The following EYS variants were observed in gnomAD, a reference collection of about 807,000 sequenced individuals.
EYS encodes the protein EGF-like photoreceptor maintenance factor, also known as protein eyes shut homolog.
In EYS, 250 loss-of-function variants were observed where a neutral mutation model predicts 282.1. That is an observed-to-expected ratio of 0.89 (90% CI 0.80 to 0.98). The LOEUF (loss-of-function observed/expected upper bound fraction) is 0.98. Among genes scored for constraint, EYS ranks in the 50% least tolerant of loss-of-function variants. The pLI is 0.00. For missense variants in EYS, 4,016 were observed against 3,709.0 expected (o/e 1.08, Z -2.15); for synonymous variants, 1,355 against 1,282.9 (o/e 1.06, Z -1.20).
chr6:63,953,338 A>G (rs1029708776), intron 35 of EYS, among the ~76,000 whole-genome samples: 1 of 152,104 alleles, frequency 6.6e-6, no homozygotes, highest in African/African-American at 2.4e-5. Flanking sequence ...AAATATTTTG[A>G]CAACCTTCTA....
intron 22 of EYS, among the ~76,000 whole-genome samples, chr6:64,766,305 T>G (rs999830808): frequency 6.6e-6 from 1 of 151,734 alleles, no homozygotes; most frequent in African/African-American, 2.4e-5. Flanking sequence ...TCCTTTATTC[T>G]TTCTTTCTCT....
At chr6:64,673,986 T>C (rs1420129922) in intron 22 of EYS, among the ~76,000 whole-genome samples, 2 of 152,214 alleles carry the variant, frequency 1.3e-5, no homozygotes, top group South Asian at 2.1e-4. Context: ...TGTGTTGAGA[T>C]GTAACTAATA....
At chr6:64,183,651 T>G (rs1226329459) in intron 31 of EYS, among the ~76,000 whole-genome samples, 1 of 152,192 alleles carries the variant, frequency 6.6e-6, no homozygotes, top group Non-Finnish European at 1.5e-5. Context: ...TTCTAATATT[T>G]AAAACTTTTA....
rs905543820 is a variant in EYS at position 64,964,835 on chromosome 6, C to A, written c.2260-18921G>T. On this transcript the variant is annotated intron_variant, in intron 14 of 42. Coordinates refer to ENST00000503581, the MANE Select transcript of EYS (RefSeq NM_001142800.2). The stretch of plus-strand genomic sequence containing the variant: ...TCACTTGAGGTCAGGAGTTCAAGAC[C>A]AGCCCGGTCAACATGGTGAAATCCC... Among the ~76,000 whole-genome samples the A allele has an allele frequency of 2.0e-4, 30 of 151,890 alleles. 1 individual carries two copies. The highest frequency in any genetic ancestry group is 1.8e-3 in the Admixed American group (27 of 15,234).
chr6:64,099,193 A>G (rs1772739531), intron 31 of EYS, among the ~76,000 whole-genome samples: 1 of 152,106 alleles, frequency 6.6e-6, no homozygotes, highest in Non-Finnish European at 1.5e-5. Flanking sequence ...TTTTATGCCC[A>G]TTTTTCCCCC....
At chr6:63,760,878 G>T (rs1769621781) in intron 41 of EYS, among the ~76,000 whole-genome samples, 1 of 151,780 alleles carries the variant, frequency 6.6e-6, no homozygotes, top group Non-Finnish European at 1.5e-5. Context: ...TAGCCCTTAC[G>T]TTACTTGTCA....
At chr6:63,856,929 CAT>C (rs1417415164) in intron 36 of EYS, among the ~76,000 whole-genome samples, 1 of 152,100 alleles carries the variant, frequency 6.6e-6, no homozygotes, top group African/African-American at 2.4e-5. Flanking sequence ...CTTAATAAAA[CAT>C]ATTGAAATAT....
chr6:63,724,111 A>T (rs1768522359), intron 42 of EYS, among the ~76,000 whole-genome samples: 1 of 152,072 alleles, frequency 6.6e-6, no homozygotes, highest in Non-Finnish European at 1.5e-5. Context: ...CTGGCCTTGG[A>T]TTCGCATTAG....
intron 29 of EYS, among the ~76,000 whole-genome samples, chr6:64,363,729 T>C (rs1174023087): frequency 4.6e-5 from 7 of 151,972 alleles, no homozygotes; most frequent in Non-Finnish European, 1.5e-5. Context: ...ACACAATTTA[T>C]GCAAGATGTC....
At chr6:64,707,028 G>C (rs1046435618) in intron 22 of EYS, among the ~76,000 whole-genome samples, 1 of 151,780 alleles carries the variant, frequency 6.6e-6, no homozygotes, top group Non-Finnish European at 1.5e-5. Flanking sequence ...AGCAAAATTC[G>C]CAATTGGAAA....
chr6:64,004,351 A>C (rs538709771), intron 33 of EYS, among the ~76,000 whole-genome samples: 5 of 152,150 alleles, frequency 3.3e-5, no homozygotes, highest in African/African-American at 1.2e-4. Flanking sequence ...ATTTTAACTA[A>C]TATTTTAATA....
chr6:63,873,542 G>T (rs992949538), intron 35 of EYS, among the ~76,000 whole-genome samples: 14 of 152,162 alleles, frequency 9.2e-5, no homozygotes, highest in African/African-American at 3.4e-4. Flanking sequence ...TGGGTCAAAT[G>T]GGATTTCTAG....
intron 31 of EYS, among the ~76,000 whole-genome samples, chr6:64,161,599 T>A (rs1289237352): frequency 6.6e-6 from 1 of 152,182 alleles, no homozygotes; most frequent in Non-Finnish European, 1.5e-5. Context: ...CACTCATGAT[T>A]TTTTTTATGC....
At chr6:64,929,516 T>C (rs935419798) in intron 15 of EYS, among the ~76,000 whole-genome samples, 4 of 152,168 alleles carry the variant, frequency 2.6e-5, no homozygotes, top group Non-Finnish European at 4.4e-5. Context: ...TCTTCCTTTG[T>C]GCTACTGTTA....
chr6:65,646,143 G>A (rs1205656445), intron 1 of EYS, among the ~76,000 whole-genome samples: 2 of 152,078 alleles, frequency 1.3e-5, no homozygotes, highest in Middle Eastern at 3.4e-3. Flanking sequence ...ATTCCACAAA[G>A]TAAAGAAAGA....
In EYS at chr6:65,157,993, A is replaced by G. The variant is rs1444407837; in HGVS notation, c.2024-100266T>C. On this transcript the variant is annotated intron_variant, in intron 12 of 42. Transcript: ENST00000503581. Reference sequence around the variant, plus strand: ...TTAATGCTATGTTATACTAGAAGGCACAGAACATAAAGTAAATAAATCTTT... The same window carrying G: ...TTAATGCTATGTTATACTAGAAGGCGCAGAACATAAAGTAAATAAATCTTT... Among the ~76,000 whole-genome samples the G allele has an allele frequency of 1.3e-5, 2 of 150,938 alleles. 1 individual carries two copies. Among genetic ancestry groups the G allele is most frequent in the African/African-American group, 4.8e-5 (2 of 41,298 alleles).
At chr6:64,126,609 TACTG>T (rs1457337646) in intron 31 of EYS, among the ~76,000 whole-genome samples, 2 of 151,716 alleles carry the variant, frequency 1.3e-5, no homozygotes, top group Non-Finnish European at 2.9e-5. Context: ...GCTCCTTTCT[TACTG>T]ACCAGAGCTC....
intron 11 of EYS, among the ~76,000 whole-genome samples, chr6:65,314,561 G>GGTGTGTGTGTGTGTGT (rs4032795): frequency 3.8e-5 from 4 of 106,340 alleles, no homozygotes; most frequent in African/African-American, 1.5e-4. Flanking sequence ...TTCCCCTTAT[G>GGTGTGTGTGTGTGTGT]GTGTGTGTGT....
At chr6:64,039,583 A>G (rs1222063174) in intron 33 of EYS, among the ~76,000 whole-genome samples, 4 of 152,178 alleles carry the variant, frequency 2.6e-5, no homozygotes, top group Non-Finnish European at 5.9e-5. Context: ...TTTTGCAAAT[A>G]TACTGGTTAC....
Sources: allele counts gnomAD v4.1 joint callset (sites outside exome capture counted in the v4.1 genomes callset), GRCh38; gene constraint gnomAD v4.1.1; transcripts MANE v1.5; gene names NCBI Gene and HGNC (gene_info 2026-07-23, HGNC 2026-07-21).